Variants in INPP4B observed in about 807,000 individuals in gnomAD.
INPP4B encodes inositol polyphosphate 4-phosphatase type II.
INPP4B carries 55 observed loss-of-function variants against 122.5 expected under a neutral mutation model. The ratio of observed to expected loss-of-function variants is 0.45; its 90% confidence interval spans 0.36 to 0.56. INPP4B has a LOEUF of 0.56. INPP4B is among the 20% of genes least tolerant of loss of function. The probability of loss-of-function intolerance (pLI) is 0.00; values close to 1 mark genes in which losing one functional copy is unlikely to be tolerated. For synonymous variants in INPP4B, 403 were observed against 388.7 expected (o/e 1.04, Z -0.43); for missense variants, 1,000 against 1,097.7 (o/e 0.91, Z 1.26).
chr4:142,791,492 A>G (rs867369969), intron 1 of INPP4B, among the ~76,000 whole-genome samples: 3 of 152,078 alleles, frequency 2.0e-5, no homozygotes, highest in African/African-American at 7.2e-5. Context: ...CAAGGGGTAG[A>G]TAGACTGGGG....
At chr4:142,644,411 C>T (rs1429338875) in intron 2 of INPP4B, among the ~76,000 whole-genome samples, 1 of 151,556 alleles carries the variant, frequency 6.6e-6, no homozygotes. Context: ...AAATTATGAG[C>T]CAAAAAGAGA....
intron 2 of INPP4B, among the ~76,000 whole-genome samples, chr4:142,622,643 A>T (rs1171362103): frequency 6.6e-6 from 1 of 151,962 alleles, no homozygotes; most frequent in Non-Finnish European, 1.5e-5. Context: ...AGAAAACTCA[A>T]AGACAATTAA....
rs560666539 is a variant in INPP4B at position 142,148,365 on chromosome 4, C to T, written c.1564-2369G>A. On this transcript the variant is annotated intron_variant, in intron 17 of 25. Coordinates refer to ENST00000262992, the MANE Select transcript of INPP4B (RefSeq NM_001101669.3). ...AAGTAGCTGGGACCACAGGCATGCC[C>T]ACCACGCCTAACTAATTTTTGTAGT... is the stretch of plus-strand genomic sequence containing the variant. Among the ~76,000 whole-genome samples the T allele has an allele frequency of 2.6e-5, 4 of 152,056 alleles. No homozygotes were observed. The East Asian group carries it at 7.7e-4, about 29-fold the overall frequency.
chr4:142,676,823 C>T (rs1757862812), intron 2 of INPP4B, among the ~76,000 whole-genome samples: 1 of 152,068 alleles, frequency 6.6e-6, no homozygotes, highest in Admixed American at 6.6e-5. Context: ...TTTCTTACAC[C>T]TTATGCAAAA....
chr4:142,033,310 TC>T (rs1578670554), intron 25 of INPP4B, among the ~76,000 whole-genome samples: 1 of 152,110 alleles, frequency 6.6e-6, no homozygotes, highest in Non-Finnish European at 1.5e-5. Context: ...TCAGGCACAT[TC>T]CCCCTCCACT....
chr4:142,292,728 G>C (rs948561054), intron 9 of INPP4B, among the ~76,000 whole-genome samples: 2 of 152,134 alleles, frequency 1.3e-5, no homozygotes, highest in Non-Finnish European at 2.9e-5. Context: ...TTATCAATCA[G>C]TTTTTATATT....
intron 7 of INPP4B, among the ~76,000 whole-genome samples, chr4:142,315,563 T>C (rs1207113389): frequency 6.6e-6 from 1 of 151,992 alleles, no homozygotes; most frequent in Non-Finnish European, 1.5e-5. Flanking sequence ...TGCGCCTCCA[T>C]GCCCCCAGAT....
intron 11 of INPP4B, among the ~76,000 whole-genome samples, chr4:142,255,399 C>T (rs1437598414): frequency 6.6e-6 from 1 of 152,032 alleles, no homozygotes; most frequent in African/African-American, 2.4e-5. Flanking sequence ...AGTTAAAAGA[C>T]ACACACTGGC....
intron 2 of INPP4B, among the ~76,000 whole-genome samples, chr4:142,582,342 A>G (rs1735286583): frequency 6.6e-6 from 1 of 152,150 alleles, no homozygotes; most frequent in South Asian, 2.1e-4. Context: ...CCACAAAAAT[A>G]TATAAGAGAA....
At chr4:142,422,718 G>A (rs1807202315) in intron 5 of INPP4B, among the ~76,000 whole-genome samples, 1 of 152,066 alleles carries the variant, frequency 6.6e-6, no homozygotes, top group South Asian at 2.1e-4. Context: ...GAGGCTGCTG[G>A]TGGAAGGATT....
intron 23 of INPP4B, among the ~76,000 whole-genome samples, chr4:142,090,165 A>G (rs1778812516): frequency 6.6e-6 from 1 of 152,220 alleles, no homozygotes; most frequent in African/African-American, 2.4e-5. Flanking sequence ...AATGTAAATC[A>G]AGCACCTGGC....
At position 142,461,717 on chromosome 4, in the gene INPP4B, C is replaced by A. The variant is rs148731110; in HGVS notation, c.-127+946G>T. On this transcript the variant is annotated intron_variant, in intron 3 of 25. Transcript: ENST00000262992. ...AAGAAACTTCTTAAAATGCATATTC[C>A]GAAGAGGTAAACTTTTGAAAGATTT... Among the ~76,000 whole-genome samples the A allele has an allele frequency of 2.0e-5, 3 of 152,012 alleles. No homozygotes were observed. The South Asian group carries it at 6.2e-4, about 32-fold the overall frequency.
chr4:142,740,286 A>G lies in INPP4B; in HGVS notation c.-253-14385T>C, dbSNP rs545150634. 3.8e-4 allele frequency among the ~76,000 whole-genome samples: 58 copies of G among 152,192 alleles called. 1 individual carries two copies. Among genetic ancestry groups the G allele is most frequent in the South Asian group, 2.1e-3 (10 of 4,826 alleles). On this transcript the variant is annotated intron_variant, in intron 1 of 25. Transcript: ENST00000262992. The stretch of plus-strand genomic sequence containing the variant: ...TAGTTGAATACCTCCATATCCCACT[A>G]TCAAAGTATGACAGAAAAAGGAAAC...
intron 7 of INPP4B, among the ~76,000 whole-genome samples, chr4:142,341,821 C>T (rs778728800): frequency 1.8e-4 from 28 of 152,000 alleles, no homozygotes; most frequent in African/African-American, 5.8e-4. Context: ...GGATCTGAGA[C>T]GAGTCAAAAG....
At chr4:142,510,266 C>T (rs1388060754) in intron 2 of INPP4B, among the ~76,000 whole-genome samples, 2 of 152,128 alleles carry the variant, frequency 1.3e-5, no homozygotes, top group African/African-American at 2.4e-5. Context: ...AGAATGCCAC[C>T]AGCTATCATA....
intron 9 of INPP4B, among the ~76,000 whole-genome samples, chr4:142,277,857 A>T (rs1749353524): frequency 6.6e-6 from 1 of 151,972 alleles, no homozygotes; most frequent in Admixed American, 6.6e-5. Flanking sequence ...GAGTTAAGCT[A>T]TGAGGACGCA....
intron 2 of INPP4B, among the ~76,000 whole-genome samples, chr4:142,665,798 A>T (rs1339494126): frequency 6.6e-6 from 1 of 152,166 alleles, no homozygotes; most frequent in Non-Finnish European, 1.5e-5. Flanking sequence ...ATAAATCAAT[A>T]TATAAGTATG....
chr4:142,378,054 A>T (rs1479837116), intron 7 of INPP4B, among the ~76,000 whole-genome samples: 1 of 152,154 alleles, frequency 6.6e-6, no homozygotes, highest in East Asian at 1.9e-4. Context: ...TGATAATTGC[A>T]CTACTATTGT....
At chr4:142,784,939 G>T (rs1211275272) in intron 1 of INPP4B, among the ~76,000 whole-genome samples, 1 of 151,988 alleles carries the variant, frequency 6.6e-6, no homozygotes, top group Non-Finnish European at 1.5e-5. Flanking sequence ...AATACTTGTG[G>T]AGGTAACAGC....
Sources: allele counts gnomAD v4.1 joint callset (sites outside exome capture counted in the v4.1 genomes callset), GRCh38; gene constraint gnomAD v4.1.1; transcripts MANE v1.5; gene names NCBI Gene and HGNC (gene_info 2026-07-23, HGNC 2026-07-21).